Variants in NTNG1 observed in about 807,000 individuals in gnomAD.
NTNG1 encodes the protein netrin-G1.
NTNG1 carries 16 observed loss-of-function variants against 54.0 expected under a neutral mutation model. The observed-to-expected ratio is 0.30, with a 90% CI of 0.20 to 0.45. The LOEUF (loss-of-function observed/expected upper bound fraction) is 0.45, where lower values mean the gene tolerates loss of function less well. NTNG1 is among the 20% of genes least tolerant of loss of function. The pLI is 1.00. For synonymous variants in NTNG1, 255 were observed against 263.1 expected (o/e 0.97, Z 0.30); for missense variants, 530 against 678.7 (o/e 0.78, Z 2.43).
intron 2 of NTNG1, among the ~76,000 whole-genome samples, chr1:107,308,106 G>T (rs1212311006): frequency 2.0e-5 from 3 of 151,200 alleles, no homozygotes; most frequent in Non-Finnish European, 4.4e-5. Context: ...CTCCCATTCT[G>T]TATCAACTCT....
intron 3 of NTNG1, among the ~76,000 whole-genome samples, chr1:107,329,284 G>T (rs1295778246): frequency 6.6e-6 from 1 of 152,158 alleles, no homozygotes; most frequent in Admixed American, 6.5e-5. Context: ...GCCAGGACCA[G>T]AGCCACTATG....
chr1:107,348,116 AT>A (rs35886581), intron 3 of NTNG1, among the ~76,000 whole-genome samples: 3 of 684 alleles, frequency 4.4e-3, no homozygotes, highest in Non-Finnish European at 0.012. Context: ...GTTTGCTTTT[AT>A]TATTATTATT....
intron 2 of NTNG1, among the ~76,000 whole-genome samples, chr1:107,285,426 T>G (rs1467824279): frequency 6.6e-6 from 1 of 152,120 alleles, no homozygotes; most frequent in Non-Finnish European, 1.5e-5. Flanking sequence ...TCATTTTTAT[T>G]TACATTAACT....
intron 3 of NTNG1, among the ~76,000 whole-genome samples, chr1:107,370,536 A>C (rs964203120): frequency 6.6e-6 from 1 of 151,760 alleles, no homozygotes. Flanking sequence ...CGAGTCCCCA[A>C]AGTCCATTGT....
intron 5 of NTNG1, among the ~76,000 whole-genome samples, chr1:107,410,902 C>T (rs902085765): frequency 1.3e-5 from 2 of 152,204 alleles, no homozygotes. Context: ...TGTGCAAATA[C>T]ATTTGTGTGG....
intron 2 of NTNG1, among the ~76,000 whole-genome samples, chr1:107,299,435 G>C (rs192573135): frequency 1.3e-5 from 2 of 151,958 alleles, no homozygotes; most frequent in African/African-American, 4.8e-5. Flanking sequence ...CAAAATCAAT[G>C]GTGTAGTGGA....
At chr1:107,417,764 A>G (rs1674315634) in intron 5 of NTNG1, among the ~76,000 whole-genome samples, 1 of 152,096 alleles carries the variant, frequency 6.6e-6, no homozygotes, top group Non-Finnish European at 1.5e-5. Flanking sequence ...TAGCTGCTTT[A>G]ATAGTCATGC....
At chr1:107,427,235 C>T (rs1674969113) in intron 5 of NTNG1, among the ~76,000 whole-genome samples, 1 of 151,950 alleles carries the variant, frequency 6.6e-6, no homozygotes, top group African/African-American at 2.4e-5. Context: ...CCAGCATCAA[C>T]TTTTAACTGG....
intron 4 of NTNG1, among the ~76,000 whole-genome samples, chr1:107,406,075 A>T (rs980859185): frequency 6.6e-6 from 1 of 152,188 alleles, no homozygotes; most frequent in Non-Finnish European, 1.5e-5. Flanking sequence ...AATTCTGAGC[A>T]TTTAAAATCA....
At chr1:107,401,626 T>G (rs1269901430) in intron 4 of NTNG1, among the ~76,000 whole-genome samples, 2 of 152,022 alleles carry the variant, frequency 1.3e-5, no homozygotes, top group African/African-American at 4.8e-5. Flanking sequence ...TGCCACCAAG[T>G]TAATTCAGAT....
chr1:107,326,917 C>G (rs1234201586), intron 3 of NTNG1, among the ~76,000 whole-genome samples: 1 of 152,156 alleles, frequency 6.6e-6, no homozygotes, highest in African/African-American at 2.4e-5. Flanking sequence ...TGATGTCAAG[C>G]ATGCCATCTC....
intron 1 of NTNG1, among the ~76,000 whole-genome samples, chr1:107,147,576 A>G (rs1654218724): frequency 6.6e-6 from 1 of 152,168 alleles, no homozygotes; most frequent in Non-Finnish European, 1.5e-5. Context: ...TATGCCAACA[A>G]TGCGGATTTT....
intron 5 of NTNG1, among the ~76,000 whole-genome samples, chr1:107,428,844 G>A (rs1475622005): frequency 1.3e-5 from 2 of 152,112 alleles, no homozygotes; most frequent in African/African-American, 4.8e-5. Context: ...GGTGGGAAAT[G>A]CTTGTTGTTT....
intron 3 of NTNG1, among the ~76,000 whole-genome samples, chr1:107,339,657 A>G (rs539673381): frequency 6.3e-4 from 96 of 152,226 alleles, no homozygotes; most frequent in African/African-American, 2.1e-3. Flanking sequence ...TTGTGAGAAC[A>G]TGACAATTGG....
chr1:107,289,295 A>G (rs1665424868), intron 2 of NTNG1, among the ~76,000 whole-genome samples: 1 of 152,132 alleles, frequency 6.6e-6, no homozygotes, highest in Non-Finnish European at 1.5e-5. Context: ...CCCCATGTAT[A>G]TGCAGCTTCA....
chr1:107,286,954 CCTT>C (rs1665237840), intron 2 of NTNG1, among the ~76,000 whole-genome samples: 1 of 152,084 alleles, frequency 6.6e-6, no homozygotes, highest in South Asian at 2.1e-4. Context: ...AGCACTGTAT[CCTT>C]CACACATCTG....
At chr1:107,247,066 T>G (rs1662251459) in intron 2 of NTNG1, among the ~76,000 whole-genome samples, 1 of 152,192 alleles carries the variant, frequency 6.6e-6, no homozygotes, top group Non-Finnish European at 1.5e-5. Flanking sequence ...AAAGTACATT[T>G]GAGGAGACCA....
intron 2 of NTNG1, among the ~76,000 whole-genome samples, chr1:107,217,605 C>CTTAG (rs1660058801): frequency 6.6e-6 from 1 of 152,182 alleles, no homozygotes; most frequent in South Asian, 2.1e-4. Context: ...GAACTTTCCT[C>CTTAG]TTAGCACTGA....
In NTNG1 at chr1:107,148,225, G is replaced by A. The variant is rs114857585; in HGVS notation, c.-369G>A. Reference sequence around the variant, plus strand: ...CACTCAGGGTTATCGGATGTACAACGGGAGAGCCATCGCTTTGCTAAATTA... The same window carrying A: ...CACTCAGGGTTATCGGATGTACAACAGGAGAGCCATCGCTTTGCTAAATTA... On this transcript the variant is annotated 5_prime_UTR_variant, in exon 2 of 8. Transcript: ENST00000370068. The A allele has an allele frequency of 2.0e-3, 367 of 187,018 alleles. 1 individual carries two copies. The highest frequency in any genetic ancestry group is 8.4e-3 in the African/African-American group (353 of 42,152). 11.6% of individuals were successfully genotyped at this position (187,018 alleles called of 1,614,324 possible).
Sources: gnomAD v4.1 joint callset for allele counts (sites outside exome capture counted in the v4.1 genomes callset) on GRCh38, gnomAD v4.1.1 for gene constraint, MANE v1.5 for transcripts, NCBI Gene and HGNC (gene_info 2026-07-23, HGNC 2026-07-21) for gene names.